The following GPC5 variants were observed in gnomAD, a reference collection of about 807,000 sequenced individuals.
GPC5 encodes the protein glypican-5.
A neutral mutation model predicts 53.9 loss-of-function variants in GPC5; 47 were observed. That is an observed-to-expected ratio of 0.87 (90% CI 0.69 to 1.11). The LOEUF is 1.11. GPC5 is among the 50% of genes most tolerant of loss of function. The pLI, the probability that GPC5 is intolerant of heterozygous loss-of-function variation, is 0.00. For synonymous variants in GPC5, 286 were observed against 263.3 expected (o/e 1.09, Z -0.84); for missense variants, 748 against 713.1 (o/e 1.05, Z -0.56).
chr13:92,501,932 A>G (rs1037842240), intron 7 of GPC5, among the ~76,000 whole-genome samples: 3 of 152,150 alleles, frequency 2.0e-5, no homozygotes, highest in Non-Finnish European at 4.4e-5. Flanking sequence ...TGCTGTCAGA[A>G]TTGCTCTGAA....
At chr13:91,427,160 A>C (rs184426306) in intron 1 of GPC5, among the ~76,000 whole-genome samples, 277 of 152,330 alleles carry the variant, frequency 1.8e-3, no homozygotes, top group African/African-American at 6.5e-3. Context: ...GAGCCCCCAC[A>C]CAGAGTCTCC....
intron 2 of GPC5, among the ~76,000 whole-genome samples, chr13:91,512,415 CTTTCCTCTCA>C (rs1236527491): frequency 3.3e-5 from 5 of 152,172 alleles, no homozygotes; most frequent in African/African-American, 1.2e-4. Flanking sequence ...ATTTTTTCAG[CTTTCCTCTCA>C]TGCTCAGCAT....
chr13:91,731,610 C>T (rs949667198), intron 4 of GPC5, among the ~76,000 whole-genome samples: 3 of 151,982 alleles, frequency 2.0e-5, no homozygotes, highest in African/African-American at 7.2e-5. Context: ...TGGATTGCTG[C>T]ACCTATCAAC....
intron 7 of GPC5, among the ~76,000 whole-genome samples, chr13:92,809,053 C>T (rs935906150): frequency 2.0e-5 from 3 of 152,066 alleles, no homozygotes; most frequent in Non-Finnish European, 4.4e-5. Context: ...AGTTTGGGGA[C>T]TAGTTTTGCT....
At chr13:92,508,057 A>G (rs1179495667) in intron 7 of GPC5, among the ~76,000 whole-genome samples, 7 of 152,200 alleles carry the variant, frequency 4.6e-5, no homozygotes, top group African/African-American at 1.7e-4. Context: ...TCCGCCTCCC[A>G]GGTTCAAGCA....
At chr13:91,571,721 T>G (rs1035295577) in intron 2 of GPC5, among the ~76,000 whole-genome samples, 3 of 111,698 alleles carry the variant, frequency 2.7e-5, no homozygotes. Context: ...CAAGACTCTG[T>G]CTCAAATATA....
chr13:92,033,388 T>C (rs1594735700), intron 6 of GPC5, among the ~76,000 whole-genome samples: 1 of 152,144 alleles, frequency 6.6e-6, no homozygotes, highest in African/African-American at 2.4e-5. Flanking sequence ...CAAGATATCT[T>C]ACCTGATCTG....
chr13:92,632,603 T>C (rs1245186114), intron 7 of GPC5, among the ~76,000 whole-genome samples: 3 of 151,782 alleles, frequency 2.0e-5, no homozygotes, highest in African/African-American at 7.3e-5. Context: ...AAATATGTAA[T>C]TACTAGGACT....
chr13:92,782,589 C>T (rs1306476434), intron 7 of GPC5, among the ~76,000 whole-genome samples: 1 of 152,170 alleles, frequency 6.6e-6, no homozygotes, highest in East Asian at 1.9e-4. Context: ...AAAGACCCTA[C>T]GGCAGTCACG....
intron 7 of GPC5, among the ~76,000 whole-genome samples, chr13:92,166,177 T>C (rs779393994): frequency 3.0e-4 from 46 of 152,246 alleles, no homozygotes; most frequent in Non-Finnish European, 5.9e-4. Flanking sequence ...TTCAGTGATA[T>C]GCTTCATGTA....
intron 7 of GPC5, among the ~76,000 whole-genome samples, chr13:92,862,614 G>GAGATAGAT (rs769698961): frequency 1.5e-4 from 22 of 142,104 alleles, no homozygotes; most frequent in Non-Finnish European, 2.6e-4. Flanking sequence ...ATATCTAGTG[G>GAGATAGAT]AGATAGATAG....
chr13:92,792,506 A>T (rs1190985004), intron 7 of GPC5, among the ~76,000 whole-genome samples: 3 of 152,158 alleles, frequency 2.0e-5, no homozygotes, highest in Admixed American at 2.0e-4. Flanking sequence ...TAAACAGCTA[A>T]CATCATAATG....
chr13:92,527,394 A>G (rs1881403648), intron 7 of GPC5, among the ~76,000 whole-genome samples: 1 of 152,234 alleles, frequency 6.6e-6, no homozygotes, highest in Admixed American at 6.5e-5. Context: ...AAGTGGTATC[A>G]TAGAAGAGCA....
chr13:92,825,232 T>C (rs1877806670), intron 7 of GPC5, among the ~76,000 whole-genome samples: 2 of 152,100 alleles, frequency 1.3e-5, no homozygotes, highest in Non-Finnish European at 2.9e-5. Context: ...CAAAAGGCAT[T>C]AAGAATGAAG....
chr13:92,713,809 C>T (rs772141320), intron 7 of GPC5, among the ~76,000 whole-genome samples: 2 of 151,908 alleles, frequency 1.3e-5, no homozygotes, highest in Non-Finnish European at 2.9e-5. Context: ...AAAGTGACAA[C>T]ACAAAATATT....
intron 7 of GPC5, among the ~76,000 whole-genome samples, chr13:92,277,449 A>G (rs2042884027): frequency 6.6e-6 from 1 of 152,060 alleles, no homozygotes; most frequent in Non-Finnish European, 1.5e-5. Context: ...AGGATGGTCA[A>G]CAATTAGGAT....
chr13:92,132,977 T>C (rs1435907216), intron 6 of GPC5, among the ~76,000 whole-genome samples: 1 of 152,114 alleles, frequency 6.6e-6, no homozygotes, highest in Non-Finnish European at 1.5e-5. Context: ...ATAAGACACA[T>C]AAGAAATTTT....
intron 7 of GPC5, among the ~76,000 whole-genome samples, chr13:92,602,233 CATATAT>C (rs149450440): frequency 2.5e-4 from 30 of 119,476 alleles, no homozygotes; most frequent in African/African-American, 3.0e-4. Context: ...ATATATATAA[CATATAT>C]ATATATATAT....
At chr13:92,314,865 C>G (rs541878742) in intron 7 of GPC5, among the ~76,000 whole-genome samples, 3 of 152,122 alleles carry the variant, frequency 2.0e-5, no homozygotes, top group Non-Finnish European at 2.9e-5. Flanking sequence ...CTCAACACCC[C>G]CCATGCTCAA....
Sources: allele counts gnomAD v4.1 joint callset (sites outside exome capture counted in the v4.1 genomes callset), GRCh38; gene constraint gnomAD v4.1.1; transcripts MANE v1.5; gene names NCBI Gene and HGNC (gene_info 2026-07-23, HGNC 2026-07-21).